Variants in ATP5PO observed in about 807,000 individuals in gnomAD.
ATP5PO encodes ATP synthase peripheral stalk subunit OSCP, mitochondrial.
Under a neutral mutation model 26.2 loss-of-function variants are expected in ATP5PO, and 14 were observed. The ratio of observed to expected loss-of-function variants is 0.53; its 90% CI spans 0.35 to 0.83. The LOEUF is 0.83. ATP5PO is among the 40% of genes least tolerant of loss of function. ATP5PO has a pLI of 0.01. For synonymous variants in ATP5PO, 106 were observed against 95.1 expected (o/e 1.12, Z -0.67); for missense variants, 241 against 258.5 (o/e 0.93, Z 0.46).
chr21:33,905,201 T>A (rs1987154011), intron 5 of ATP5PO, among the ~76,000 whole-genome samples: 1 of 152,094 alleles, frequency 6.6e-6, no homozygotes, highest in Admixed American at 6.6e-5. Flanking sequence ...CTATTCGTGT[T>A]CAAAACATGA....
At position 33,912,356 on chromosome 21, in the gene ATP5PO, G is replaced by A; in HGVS notation, c.131C>T (p.Ala44Val). ...VYGIEGRYAT[A>V]LYSAASKQNK... ...CTGTTTTGATGCAGCAGAATAAAGAGCTGTGGCATAGCGACCTTCAATACC... is the reference window on the plus strand; with the variant it reads ...CTGTTTTGATGCAGCAGAATAAAGAACTGTGGCATAGCGACCTTCAATACC... The change falls in exon 3 of 7, where the codon GCT becomes GTT. Residue 44 changes from alanine to valine, a missense_variant. Coordinates refer to ENST00000290299, the MANE Select transcript of ATP5PO (RefSeq NM_001697.3). 2 of 1,613,392 alleles carry A rather than the reference G, an allele frequency of 1.2e-6. No individual in the cohort carries two copies. The highest frequency in any genetic ancestry group is 1.7e-6 in the Non-Finnish European group (2 of 1,179,606).
intron 3 of ATP5PO, among the ~76,000 whole-genome samples, chr21:33,911,662 G>GTTTTTTTTTTTTTTTTTTTTTTTTTTT (rs58774588): frequency 1.1e-5 from 1 of 92,080 alleles, no homozygotes. Flanking sequence ...ATAAGCATAG[G>GTTTTTTTTTTTTTTTTTTTTTTTTTTT]TTTTTTTTTT....
At chr21:33,909,013 C>A (rs1259465010) in intron 4 of ATP5PO, 69 bp downstream of exon 4, 2 of 1,463,416 alleles carry the variant, frequency 1.4e-6, no homozygotes, top group African/African-American at 2.8e-5. Context: ...TGATGCCGCC[C>A]ACAGTCCATG....
intron 3 of ATP5PO, among the ~76,000 whole-genome samples, chr21:33,910,066 G>A (rs1380194038): frequency 2.6e-5 from 4 of 152,198 alleles, no homozygotes; most frequent in East Asian, 1.9e-4. Flanking sequence ...GGGAAACAAC[G>A]TTCTTCTCAT....
chr21:33,910,729 G>C (rs926917787), intron 3 of ATP5PO, among the ~76,000 whole-genome samples: 1 of 152,194 alleles, frequency 6.6e-6, no homozygotes, highest in South Asian at 2.1e-4. Flanking sequence ...ACAGGGCTGG[G>C]CTCCTGGGCT....
intron 2 of ATP5PO, 152 bp downstream of exon 2, chr21:33,914,298 C>A: frequency 3.3e-6 from 2 of 600,562 alleles, no homozygotes; most frequent in Non-Finnish European, 5.6e-6. Context: ...CATTCCTTTC[C>A]CCACCCTATG....
chr21:33,903,996 T>G lies in ATP5PO; in HGVS notation c.467A>C (p.Glu156Ala). 1.2e-6 allele frequency: 2 copies of G among 1,613,536 alleles called. No individual in the cohort carries two copies. The highest frequency in any genetic ancestry group is 1.7e-6 in the Non-Finnish European group (2 of 1,179,752). ...GAAGCTCTTGAGGACAGTTTTTAAT[T>G]CAGAGAGTGTGGCTTCTTCTAAAGG... ...ASPLEEATLS[E>A]LKTVLKSFLS... The change falls in exon 6 of 7, where the codon GAA (glutamate) becomes GCA (alanine). Residue 156 changes from glutamate (E) to alanine (A), a missense_variant. Transcript: ENST00000290299.
In ATP5PO at chr21:33,909,934, G is replaced by A. The variant is rs865929981; in HGVS notation, c.199-723C>T. 3.9e-5 allele frequency among the ~76,000 whole-genome samples: 6 copies of A among 152,202 alleles called. No individual in the cohort carries two copies. The South Asian group carries it at 1.2e-3, about 31-fold the overall frequency. On this transcript the variant is annotated intron_variant, in intron 3 of 6. Transcript: ENST00000290299. ...GGCCTCCGCACCGCTCCCTTGGAGG[G>A]GCCCTGCCTCTTACAGAGTCCAGGG...
intron 2 of ATP5PO, 125 bp downstream of exon 2, chr21:33,914,325 G>A: frequency 1.1e-6 from 1 of 889,038 alleles, no homozygotes; most frequent in East Asian, 2.5e-5. Context: ...GCACATTTTG[G>A]GAACCACAAG....
In ATP5PO at chr21:33,912,273, T is replaced by C. The variant is rs1246708612; in HGVS notation, c.198+16A>G. 3 of 1,591,064 alleles carry C rather than the reference T, an allele frequency of 1.9e-6. No individual in the cohort carries two copies. The highest frequency in any genetic ancestry group is 1.7e-5 in the Admixed American group (1 of 59,088). On this transcript the variant is annotated intron_variant, in intron 3 of 6. Coordinates refer to ENST00000290299, the MANE Select transcript of ATP5PO (RefSeq NM_001697.3). The stretch of plus-strand genomic sequence containing the variant: ...AAACAGGAACTTCATATGTAATGAA[T>C]AGGAAAGCTACTTACTGCTACTCTC...
intron 5 of ATP5PO, among the ~76,000 whole-genome samples, chr21:33,904,368 A>G (rs1987141417): frequency 6.6e-6 from 1 of 151,980 alleles, no homozygotes; most frequent in Admixed American, 6.5e-5. Context: ...ATGCAGCCCC[A>G]TCAATGCAGG....
intron 5 of ATP5PO, among the ~76,000 whole-genome samples, chr21:33,905,715 C>A (rs944013423): frequency 2.6e-5 from 4 of 151,960 alleles, no homozygotes. Flanking sequence ...GAGTTCGAGA[C>A]CAGCCTGGCC....
At chr21:33,913,402 A>G (rs976918279) in intron 2 of ATP5PO, among the ~76,000 whole-genome samples, 12 of 152,198 alleles carry the variant, frequency 7.9e-5, no homozygotes, top group Admixed American at 5.2e-4. Context: ...TAGTCTGCCC[A>G]GCACATCTTA....
chr21:33,914,116 C>T (rs934700426), intron 2 of ATP5PO, among the ~76,000 whole-genome samples: 1 of 151,836 alleles, frequency 6.6e-6, no homozygotes, highest in African/African-American at 2.4e-5. Context: ...GTAATAACTT[C>T]CTGTGATAAC....
intron 4 of ATP5PO, among the ~76,000 whole-genome samples, chr21:33,908,583 C>G (rs148908939): frequency 5.8e-4 from 88 of 152,230 alleles, no homozygotes; most frequent in Non-Finnish European, 1.0e-3. Flanking sequence ...GTGGCATGCA[C>G]CTGTATTCCC....
chr21:33,907,443 A>G lies in ATP5PO; in HGVS notation c.339T>C (p.Ala113=), dbSNP rs903122887. 3 of 1,613,816 alleles carry G rather than the reference A, an allele frequency of 1.9e-6. No individual in the cohort carries two copies. The highest frequency in any genetic ancestry group is 2.5e-6 in the Non-Finnish European group (3 of 1,179,856). The change falls in exon 5 of 7, where the codon GCT becomes GCC. Residue 113 remains alanine (A), a synonymous_variant. Coordinates refer to ENST00000290299, the MANE Select transcript of ATP5PO (RefSeq NM_001697.3). ...PLTTNLINLL[A]ENGRLSNTQG... ...GGGTATTGCTTAATCGACCATTTTC[A>G]GCAAGCAAATCTGCCAGAGTGAAGG...
chr21:33,914,500 C>A lies in ATP5PO; in HGVS notation c.37G>T (p.Val13Leu). 6.2e-7 allele frequency: 1 copy of A among 1,612,242 alleles called. No individual in the cohort carries two copies. The highest frequency in any genetic ancestry group is 8.5e-7 in the Non-Finnish European group (1 of 1,179,162). Reference sequence around the variant, plus strand: ...ACCACAGAGGTACTGAAGCATCGCACCTTCAAAGCAATAAAGGAAAATAGA... The same window carrying A: ...ACCACAGAGGTACTGAAGCATCGCAACTTCAAAGCAATAAAGGAAAATAGA... ...APAVSGLSRQ[V>L]RCFSTSVVRP... Residue 13 changes from valine (V) to leucine (L), a missense_variant and splice_region_variant, in exon 2 of 7, where the codon GTG becomes TTG. Around this residue, in one of 3 missense-constraint regions of ATP5PO, gnomAD observed 125 missense variants for 108.5 expected, o/e 1.15. Transcript: ENST00000290299.
chr21:33,906,448 C>T (rs1987173824), intron 5 of ATP5PO: 1 of 331,704 alleles, frequency 3.0e-6, no homozygotes, highest in South Asian at 2.3e-5. Context: ...TCTAGTCCCA[C>T]CTCGTATGAC....
chr21:33,906,855 G>C, intron 5 of ATP5PO: 1 of 442,950 alleles, frequency 2.3e-6, no homozygotes, highest in Non-Finnish European at 4.6e-6. Context: ...GCCGGGTGTG[G>C]TGGGGGTGCA....
Sources: gnomAD v4.1 joint callset for allele counts (sites outside exome capture counted in the v4.1 genomes callset) on GRCh38, gnomAD v4.1.1 for gene constraint, gnomAD v4.1.1 regional missense constraint, MANE v1.5 for transcripts, NCBI Gene and HGNC (gene_info 2026-07-23, HGNC 2026-07-21) for gene names.